OSR2: variants seen among roughly 807,000 people sequenced by gnomAD.
The protein encoded by OSR2 is odd-skipped related transciption factor 2, also known as protein odd-skipped-related 2.
In OSR2, 8 loss-of-function variants were observed where a neutral mutation model predicts 22.3. That is an observed-to-expected ratio of 0.36 (90% CI 0.21 to 0.65). The LOEUF (loss-of-function observed/expected upper bound fraction) is 0.65. OSR2 is among the 30% of genes least tolerant of loss of function. OSR2 has a pLI of 0.66. For missense variants in OSR2, 311 were observed against 413.4 expected (o/e 0.75, Z 2.15); for synonymous variants, 179 against 173.8 (o/e 1.03, Z -0.23).
chr8:98,948,934 AC>A lies in OSR2; in HGVS notation c.-14del, dbSNP rs760556191. 2 of 1,613,204 alleles carry A rather than the reference AC, an allele frequency of 1.2e-6. No individual in the cohort carries two copies. Among genetic ancestry groups the A allele is most frequent in the East Asian group, 4.5e-5 (2 of 44,850 alleles). ...GGAAGAAAGGGTTGGTCCCCTCAGC[AC>A]CCCCAGCATCCCGGAAAATGGGGAG... On this transcript the variant is annotated 5_prime_UTR_variant, in exon 2 of 4. Transcript: ENST00000297565. The surrounding 1 kb of genome is among the most constrained non-coding windows in gnomAD (Gnocchi z 6.0).
At position 98,948,422 on chromosome 8, in the gene OSR2, G is replaced by A; in HGVS notation, c.-114-417G>A. 7.1e-7 allele frequency: 1 copy of A among 1,406,630 alleles called. No individual in the cohort carries two copies. Among genetic ancestry groups the A allele is most frequent in the Non-Finnish European group, 9.2e-7 (1 of 1,084,964 alleles). The allele number at this position is 1,406,630 out of a possible 1,614,324, so 87.1% of individuals were successfully genotyped here. ...GCTCCGAGGCGCAGCGGCGACAGAG[G>A]TTCGCCCCGGCCTGCTAGCATTGGC... On this transcript the variant is annotated intron_variant, in intron 1 of 3. Coordinates refer to ENST00000297565, the MANE Select transcript of OSR2 (RefSeq NM_001142462.3). The surrounding 1 kb of genome is among the most constrained non-coding windows in gnomAD (Gnocchi z 6.0).
intron 2 of OSR2, among the ~76,000 whole-genome samples, chr8:98,950,169 TGTAA>T (rs1840740540): frequency 6.6e-6 from 1 of 152,186 alleles, no homozygotes; most frequent in Admixed American, 6.5e-5. Context: ...CATTCAATAA[TGTAA>T]GTGTTATCAT....
At chr8:98,950,579 C>T in intron 2 of OSR2, 77 bp from the exon 3 acceptor site, 1 of 871,796 alleles carries the variant, frequency 1.1e-6, no homozygotes, top group Admixed American at 2.7e-5. Flanking sequence ...TCCACGACTT[C>T]CTTTTAAGTA....
chr8:98,948,079 G>A lies in OSR2; in HGVS notation c.-114-760G>A, dbSNP rs370909282. The A allele has an allele frequency of 6.9e-5, 91 of 1,326,558 alleles. No individual in the cohort carries two copies. In the East Asian group the frequency reaches 2.5e-3, roughly 36 times the overall value. 82.2% of individuals were successfully genotyped at this position (1,326,558 alleles called of 1,614,324 possible). A position where few individuals can be genotyped will look rare whatever the true frequency, so the allele number is the denominator to read the frequency against. Reference sequence around the variant, plus strand: ...AAGGGATCTTAGTCGGGGGTTGGGAGGAGAGCCCGTGGATAGGAGGAGGGG... The same window carrying A: ...AAGGGATCTTAGTCGGGGGTTGGGAAGAGAGCCCGTGGATAGGAGGAGGGG... On this transcript the variant is annotated intron_variant, in intron 1 of 3. Coordinates refer to ENST00000297565, the MANE Select transcript of OSR2 (RefSeq NM_001142462.3). The surrounding 1 kb of genome is among the most constrained non-coding windows in gnomAD (Gnocchi z 6.0).
Position 98,950,686 on chromosome 8 carries a change from A to G in OSR2, c.687A>G (p.Lys229=), listed in dbSNP as rs1353561587. The change falls in exon 3 of 4, where the codon AAA becomes AAG. Residue 229 remains lysine (K), a synonymous_variant. Transcript: ENST00000297565. ...RYIHSKEKPF[K]CQECGKGFCQ... is the part of the protein sequence containing the mutation. ...TCCATTCCAAAGAAAAACCCTTCAA[A>G]TGTCAGGAGTGTGGGAAAGGATTTT... The G allele has an allele frequency of 6.2e-7, 1 of 1,612,882 alleles. No homozygotes were observed. Among genetic ancestry groups the G allele is most frequent in the South Asian group, 1.1e-5 (1 of 90,852 alleles).
chr8:98,951,449 CAG>C (rs1250587054), intron 3 of OSR2, 68 bp from the exon 4 acceptor site: 6 of 1,411,674 alleles, frequency 4.3e-6, no homozygotes, highest in Middle Eastern at 1.8e-4. Context: ...AACGATAAGA[CAG>C]AAACTATTGA....
Position 98,949,954 on chromosome 8 carries a change from C to A in OSR2, c.656+346C>A, listed in dbSNP as rs1049959657. 5.3e-5 allele frequency among the ~76,000 whole-genome samples: 8 copies of A among 152,004 alleles called. No homozygotes were observed. Among genetic ancestry groups the A allele is most frequent in the African/African-American group, 1.7e-4 (7 of 41,372 alleles). ...CTGGGGTGCCGGTCCTGGCTGCAGT[C>A]GGGCTACTTCTGTTGGGTTTCGTCC... On this transcript the variant is annotated intron_variant, in intron 2 of 3. Coordinates refer to ENST00000297565, the MANE Select transcript of OSR2 (RefSeq NM_001142462.3). The surrounding 1 kb of genome is among the most constrained non-coding windows in gnomAD (Gnocchi z 5.9).
At chr8:98,946,342 T>C (rs1257904917) in intron 1 of OSR2, 4 of 152,242 alleles carry the variant, frequency 2.6e-5, no homozygotes, top group Non-Finnish European at 5.9e-5. Context: ...TACTTTAGGA[T>C]CTCTGCATTC....
rs750189447 is a variant in OSR2, at chr8:98,949,643, A to G, written c.656+35A>G. 1.3e-6 allele frequency: 2 copies of G among 1,583,420 alleles called. No individual in the cohort carries two copies. The highest frequency in any genetic ancestry group is 1.7e-6 in the Non-Finnish European group (2 of 1,163,778). The stretch of plus-strand genomic sequence containing the variant: ...GCAAGGAGGATGGCTGGGAGAGGGA[A>G]AGCGAATTTGTCCTGGACACACCGA... On this transcript the variant is annotated intron_variant, in intron 2 of 3. Coordinates refer to ENST00000297565, the MANE Select transcript of OSR2 (RefSeq NM_001142462.3). The surrounding 1 kb of genome is among the most constrained non-coding windows in gnomAD (Gnocchi z 5.9).
chr8:98,949,072 G>A lies in OSR2; in HGVS notation c.120G>A (p.Leu40=), dbSNP rs1840703501. ...CCACGGTGGACCACCTGCAGGGCCT[G>A]TACGGTCTCAGCGCGGTACAGACCA... ...FPATVDHLQG[L]YGLSAVQTMH... is the part of the protein sequence containing the mutation. Residue 40 remains leucine (L), a synonymous_variant, in exon 2 of 4, where the codon CTG becomes CTA. Transcript: ENST00000297565. This position sits in a 1 kb window ranked among gnomAD's most constrained non-coding sequence, Gnocchi z 5.9. 2.5e-6 allele frequency: 4 copies of A among 1,613,952 alleles called. No individual in the cohort carries two copies. The highest frequency in any genetic ancestry group is 3.4e-6 in the Non-Finnish European group (4 of 1,179,898).
In OSR2 at chr8:98,949,277, C is replaced by T; in HGVS notation, c.325C>T (p.Leu109=). The part of the protein sequence containing the change: ...QGAIAHVLPA[L]HKDRPRFDFA... Reference sequence around the variant, plus strand: ...GGCCATTGCCCACGTCCTCCCAGCCCTGCACAAGGACCGGCCCCGTTTTGA... The same window carrying T: ...GGCCATTGCCCACGTCCTCCCAGCCTTGCACAAGGACCGGCCCCGTTTTGA... Residue 109 remains leucine (L), a synonymous_variant, in exon 2 of 4, where the codon CTG becomes TTG. Coordinates refer to ENST00000297565, the MANE Select transcript of OSR2 (RefSeq NM_001142462.3). This position sits in a 1 kb window ranked among gnomAD's most constrained non-coding sequence, Gnocchi z 5.9. 3.1e-6 allele frequency: 5 copies of T among 1,613,126 alleles called. No individual in the cohort carries two copies. The highest frequency in any genetic ancestry group is 1.1e-5 in the South Asian group (1 of 90,938).
intron 1 of OSR2, among the ~76,000 whole-genome samples, chr8:98,946,964 A>G (rs1212457039): frequency 1.3e-5 from 2 of 152,178 alleles, no homozygotes; most frequent in Non-Finnish European, 2.9e-5. Flanking sequence ...AGAAGGAAAT[A>G]AAGGTATAAA....
rs111270451 is a variant in OSR2 at position 98,948,650 on chromosome 8, C to A, written c.-114-189C>A. The A allele has an allele frequency of 4.0e-3, 3,854 of 966,348 alleles. 100 individuals carry two copies. The African/African-American group carries it at 0.056, about 14-fold the overall frequency. The allele number at this position is 966,348 out of a possible 1,614,324, so 59.9% of individuals were successfully genotyped here. On this transcript the variant is annotated intron_variant, in intron 1 of 3. Coordinates refer to ENST00000297565, the MANE Select transcript of OSR2 (RefSeq NM_001142462.3). This position sits in a 1 kb window ranked among gnomAD's most constrained non-coding sequence, Gnocchi z 6.0. ...AGTGGAGCACTTCTTGTTCTGGCCCCGGGCTGATCTGCACGCGGACTTGAG... is the reference window on the plus strand; with the variant it reads ...AGTGGAGCACTTCTTGTTCTGGCCCAGGGCTGATCTGCACGCGGACTTGAG...
At chr8:98,950,446 T>C (rs944366449) in intron 2 of OSR2, among the ~76,000 whole-genome samples, 1 of 151,814 alleles carries the variant, frequency 6.6e-6, no homozygotes, top group African/African-American at 2.4e-5. Flanking sequence ...CGATCAAGTG[T>C]AGATAAAGCC....
chr8:98,949,706 G>A lies in OSR2; in HGVS notation c.656+98G>A, dbSNP rs1205807211. On this transcript the variant is annotated intron_variant, in intron 2 of 3. Coordinates refer to ENST00000297565, the MANE Select transcript of OSR2 (RefSeq NM_001142462.3). This position sits in a 1 kb window ranked among gnomAD's most constrained non-coding sequence, Gnocchi z 5.9. ...ATTCCCAGTGTCATTATAATCCCCT[G>A]TGATCTAAAATACACCCTCAGTCAC... is the stretch of plus-strand genomic sequence containing the variant. The A allele has an allele frequency of 4.3e-6, 6 of 1,410,286 alleles. No individual in the cohort carries two copies. Among genetic ancestry groups the A allele is most frequent in the Non-Finnish European group, 5.8e-6 (6 of 1,039,052 alleles). The allele number at this position is 1,410,286 out of a possible 1,614,324, so 87.4% of individuals were successfully genotyped here.
Position 98,949,671 on chromosome 8 carries a change from C to G in OSR2, c.656+63C>G. ...CGAATTTGTCCTGGACACACCGAGT[C>G]CTGATAGACATTCCCAGTGTCATTA... On this transcript the variant is annotated intron_variant, in intron 2 of 3. Coordinates refer to ENST00000297565, the MANE Select transcript of OSR2 (RefSeq NM_001142462.3). The surrounding 1 kb of genome is among the most constrained non-coding windows in gnomAD (Gnocchi z 5.9). 1.3e-6 allele frequency: 2 copies of G among 1,524,200 alleles called. No homozygotes were observed. The highest frequency in any genetic ancestry group is 2.3e-5 in the East Asian group (1 of 44,130). The allele number at this position is 1,524,200 out of a possible 1,614,324, so 94.4% of individuals were successfully genotyped here.
chr8:98,944,776 C>CT lies in OSR2; in HGVS notation c.-161dup, dbSNP rs1490356674. ...CTTTCCAAGCTGTGCGCCTCGCTGC[C>CT]TGGACCGGGTCTGAGCGCGGCTGCC... On this transcript the variant is annotated 5_prime_UTR_variant, in exon 1 of 4. An upstream open reading frame in the 5' UTR loses its in-frame stop. Coordinates refer to ENST00000297565, the MANE Select transcript of OSR2 (RefSeq NM_001142462.3). 3 of 152,308 alleles carry CT rather than the reference C, an allele frequency of 2.0e-5. No homozygotes were observed. Among genetic ancestry groups the CT allele is most frequent in the Admixed American group, 1.3e-4 (2 of 15,286 alleles). 9.4% of individuals were successfully genotyped at this position (152,308 alleles called of 1,614,324 possible).
chr8:98,949,013 T>G lies in OSR2; in HGVS notation c.61T>G (p.Tyr21Asp). 1 of 1,613,890 alleles carries G rather than the reference T, an allele frequency of 6.2e-7. No individual in the cohort carries two copies. Among genetic ancestry groups the G allele is most frequent in the Non-Finnish European group, 8.5e-7 (1 of 1,179,880 alleles). Residue 21 changes from tyrosine to aspartate, a missense_variant, in exon 2 of 4, where the codon TAC becomes GAC. Physicochemically the swap from Tyr to Asp is radical, Grantham distance 160 (BLOSUM62 -3). Transcript: ENST00000297565. This position sits in a 1 kb window ranked among gnomAD's most constrained non-coding sequence, Gnocchi z 5.9. ...PLHPSLQLTN[Y>D]SFLQAVNTFP... is the part of the protein sequence containing the mutation. ...CCACCCGTCGCTGCAGCTCACCAAT[T>G]ACTCCTTCCTGCAGGCCGTGAACAC...
rs148393751 is a variant in OSR2 at position 98,948,618 on chromosome 8, G to A, written c.-114-221G>A. The A allele has an allele frequency of 1.1e-4, 105 of 984,842 alleles. No homozygotes were observed. Among genetic ancestry groups the A allele is most frequent in the Admixed American group, 1.5e-4 (5 of 32,746 alleles). The allele number at this position is 984,842 out of a possible 1,614,324, so 61.0% of individuals were successfully genotyped here. ...CCGACTTTCTTTCCTTTGGGCACGC[G>A]CTCGCCAGTGGAGCACTTCTTGTTC... On this transcript the variant is annotated intron_variant, in intron 1 of 3. Transcript: ENST00000297565. This position sits in a 1 kb window ranked among gnomAD's most constrained non-coding sequence, Gnocchi z 6.0.
Sources: gnomAD v4.1 joint callset for allele counts (sites outside exome capture counted in the v4.1 genomes callset) on GRCh38, gnomAD v4.1.1 for gene constraint, Gnocchi (gnomAD v3.1) non-coding constraint, MANE v1.5 for transcripts, NCBI Gene and HGNC (gene_info 2026-07-23, HGNC 2026-07-21) for gene names.